Variants in MDGA2 observed in about 807,000 individuals in gnomAD.
MDGA2 encodes MAM domain containing glycosylphosphatidylinositol anchor 2.
In MDGA2, 40 loss-of-function variants were observed where a neutral mutation model predicts 117.8. The observed-to-expected ratio is 0.34, with a 90% CI of 0.26 to 0.44. The LOEUF is 0.44. Ranked by LOEUF, MDGA2 falls within the 20% of genes least tolerant of loss-of-function variation. The probability of loss-of-function intolerance (pLI) is 1.00; values close to 1 mark genes in which losing one functional copy is unlikely to be tolerated. For synonymous variants in MDGA2, 452 were observed against 439.0 expected (o/e 1.03, Z -0.37); for missense variants, 1,123 against 1,250.6 (o/e 0.90, Z 1.54).
intron 3 of MDGA2, among the ~76,000 whole-genome samples, chr14:47,148,418 G>A (rs1463405265): frequency 2.0e-5 from 3 of 152,118 alleles, no homozygotes; most frequent in Non-Finnish European, 4.4e-5. Flanking sequence ...ATCATGGAGG[G>A]TAGCACCCAC....
At chr14:47,173,212 T>C (rs568455639) in intron 3 of MDGA2, among the ~76,000 whole-genome samples, 7 of 152,310 alleles carry the variant, frequency 4.6e-5, no homozygotes, top group Admixed American at 6.5e-5. Flanking sequence ...GGAACCAAGT[T>C]GGAAAACACT....
At chr14:46,846,522 T>A (rs1035667869) in intron 15 of MDGA2, among the ~76,000 whole-genome samples, 1 of 152,134 alleles carries the variant, frequency 6.6e-6, no homozygotes, top group Admixed American at 6.6e-5. Context: ...ATGGTGTCTA[T>A]AACAATGGTG....
At chr14:47,408,534 TA>T (rs1406494032) in intron 1 of MDGA2, among the ~76,000 whole-genome samples, 3 of 152,024 alleles carry the variant, frequency 2.0e-5, no homozygotes, top group African/African-American at 7.3e-5. Context: ...CCACATGCAA[TA>T]AATGGAGAAA....
chr14:47,006,977 T>G (rs536138537), intron 8 of MDGA2, among the ~76,000 whole-genome samples: 1 of 151,922 alleles, frequency 6.6e-6, no homozygotes, highest in African/African-American at 2.4e-5. Context: ...ATGTTCTTTC[T>G]CATTGCAACT....
intron 1 of MDGA2, among the ~76,000 whole-genome samples, chr14:47,522,516 T>C (rs116405078): frequency 2.0e-5 from 3 of 152,014 alleles, no homozygotes; most frequent in Admixed American, 2.0e-4. Context: ...CCACAGAGAA[T>C]GTCTGAAACT....
At chr14:47,059,882 C>G (rs1301217718) in intron 7 of MDGA2, among the ~76,000 whole-genome samples, 1 of 152,062 alleles carries the variant, frequency 6.6e-6, no homozygotes, top group East Asian at 1.9e-4. Context: ...TGCTCTTACT[C>G]TCTTACAGGA....
intron 5 of MDGA2, among the ~76,000 whole-genome samples, chr14:47,129,568 T>C (rs1333039276): frequency 6.7e-6 from 1 of 148,568 alleles, no homozygotes; most frequent in African/African-American, 2.5e-5. Flanking sequence ...GCATGTGTCT[T>C]TATAGCAGCA....
At chr14:47,663,767 TTA>T (rs1335973025) in intron 1 of MDGA2, among the ~76,000 whole-genome samples, 1 of 152,202 alleles carries the variant, frequency 6.6e-6, no homozygotes, top group Non-Finnish European at 1.5e-5. Context: ...TTTTCTGTTT[TTA>T]TGTATTAACT....
chr14:47,242,839 C>A (rs1340764114), intron 2 of MDGA2, among the ~76,000 whole-genome samples: 1 of 151,856 alleles, frequency 6.6e-6, no homozygotes, highest in Admixed American at 6.6e-5. Context: ...GCGCAGGGCA[C>A]AGGACTGGCA....
chr14:47,451,398 T>G (rs1893238382), intron 1 of MDGA2, among the ~76,000 whole-genome samples: 1 of 152,104 alleles, frequency 6.6e-6, no homozygotes, highest in South Asian at 2.1e-4. Context: ...TTCCAACATA[T>G]ATACCTGGTA....
intron 1 of MDGA2, among the ~76,000 whole-genome samples, chr14:47,355,508 T>C (rs1417741626): frequency 6.6e-6 from 1 of 152,128 alleles, no homozygotes; most frequent in African/African-American, 2.4e-5. Context: ...TGATACCCTA[T>C]GTCCAGTGTT....
At chr14:47,601,000 T>G (rs1482243886) in intron 1 of MDGA2, among the ~76,000 whole-genome samples, 1 of 152,204 alleles carries the variant, frequency 6.6e-6, no homozygotes, top group African/African-American at 2.4e-5. Flanking sequence ...TAAGACTGTA[T>G]AGCTATCTAG....
In MDGA2 at chr14:47,626,725, T is replaced by C. The variant is rs533430623; in HGVS notation, c.280+47792A>G. On this transcript the variant is annotated intron_variant, in intron 1 of 16. Transcript: ENST00000399232. The stretch of plus-strand genomic sequence containing the variant: ...GCCAGCAGCTGCTGTGTTGGATTTC[T>C]CCCCGGCCCTTAGCTGCCTCCCAGC... Among the ~76,000 whole-genome samples, 514 of 152,244 alleles carry C rather than the reference T, an allele frequency of 3.4e-3. 3 individuals carry two copies. Among genetic ancestry groups the C allele is most frequent in the African/African-American group, 0.012 (487 of 41,574 alleles).
intron 10 of MDGA2, among the ~76,000 whole-genome samples, chr14:46,902,599 A>C (rs1295738344): frequency 6.6e-6 from 1 of 152,208 alleles, no homozygotes; most frequent in East Asian, 1.9e-4. Flanking sequence ...AGCAACTGAA[A>C]TAAGGTAAGC....
intron 8 of MDGA2, among the ~76,000 whole-genome samples, chr14:46,992,956 C>T (rs1164093328): frequency 1.3e-5 from 2 of 152,038 alleles, no homozygotes; most frequent in Non-Finnish European, 2.9e-5. Context: ...GATGTGAAAA[C>T]ATTTTCAACC....
At chr14:47,007,796 G>A (rs1451805664) in intron 8 of MDGA2, among the ~76,000 whole-genome samples, 1 of 151,720 alleles carries the variant, frequency 6.6e-6, no homozygotes, top group Non-Finnish European at 1.5e-5. Context: ...GTATCAGATT[G>A]TTTTGCCTCT....
intron 6 of MDGA2, among the ~76,000 whole-genome samples, chr14:47,074,366 C>A (rs990099105): frequency 6.6e-6 from 1 of 151,126 alleles, no homozygotes; most frequent in Non-Finnish European, 1.5e-5. Flanking sequence ...AGTGCGGTGG[C>A]GCGATCTCGG....
At chr14:47,051,524 A>G (rs1159472838) in intron 7 of MDGA2, among the ~76,000 whole-genome samples, 1 of 151,926 alleles carries the variant, frequency 6.6e-6, no homozygotes, top group Non-Finnish European at 1.5e-5. Context: ...TATGAAAATT[A>G]GGTTCTTTTA....
intron 14 of MDGA2, among the ~76,000 whole-genome samples, chr14:46,868,333 T>G (rs1208575551): frequency 6.6e-6 from 1 of 151,986 alleles, no homozygotes; most frequent in Non-Finnish European, 1.5e-5. Context: ...AAATATTTAT[T>G]AATTTTTTTG....
Sources: allele counts gnomAD v4.1 joint callset (sites outside exome capture counted in the v4.1 genomes callset), GRCh38; gene constraint gnomAD v4.1.1; transcripts MANE v1.5; gene names NCBI Gene and HGNC (gene_info 2026-07-23, HGNC 2026-07-21).